The following VWA1 variants were observed in gnomAD, a reference collection of about 807,000 sequenced individuals.
VWA1 encodes the protein von Willebrand factor A domain containing 1.
Under a neutral mutation model 14.9 loss-of-function variants are expected in VWA1, and 12 were observed. The observed-to-expected ratio is 0.80, with a 90% confidence interval of 0.52 to 1.30. The LOEUF (loss-of-function observed/expected upper bound fraction) is 1.30, where lower values mean the gene tolerates loss of function less well. VWA1 is among the 50% of genes most tolerant of loss of function. The pLI, the probability that VWA1 is intolerant of heterozygous loss-of-function variation, is 0.00. For missense variants in VWA1, 800 were observed against 649.1 expected, an observed-to-expected ratio of 1.23 and a Z score of -2.53; for synonymous variants, 368 against 310.7, an observed-to-expected ratio of 1.18 and a Z score of -1.94.
At position 1,439,580 on chromosome 1, in the gene VWA1, G is replaced by C; in HGVS notation, c.1131G>C (p.Gln377His). 2 of 1,301,678 alleles carry C rather than the reference G, an allele frequency of 1.5e-6. No homozygotes were observed. Among genetic ancestry groups the C allele is most frequent in the Non-Finnish European group, 1.9e-6 (2 of 1,026,890 alleles). The allele number at this position is 1,301,678 out of a possible 1,614,324, so 80.6% of individuals were successfully genotyped here. A position where few individuals can be genotyped will look rare whatever the true frequency, so the allele number is the denominator to read the frequency against. Residue 377 changes from glutamine (Q) to histidine (H), a missense_variant, in exon 3 of 3, where the codon CAG (glutamine) becomes CAC (histidine). By Grantham distance (24) the Gln-to-His change is conservative (BLOSUM62 0). Coordinates refer to ENST00000476993, the MANE Select transcript of VWA1 (RefSeq NM_022834.5). ...GGCCGCTGCGGGGCGGGGAGGCGCAGCGGGTGGAGGTGCCCGCGGGCCGCA... is the reference window on the plus strand; with the variant it reads ...GGCCGCTGCGGGGCGGGGAGGCGCACCGGGTGGAGGTGCCCGCGGGCCGCA... ...QFGPLRGGEA[Q>H]RVEVPAGRNC...
chr1:1,435,780 T>G lies in VWA1; in HGVS notation c.32T>G (p.Leu11Arg). The change falls in exon 1 of 3, where the codon CTG (leucine) becomes CGG (arginine). Residue 11 changes from leucine to arginine, a missense_variant. Transcript: ENST00000476993. MLPWTALGLA[L>R]SLRLALARSG... is the part of the protein sequence containing the mutation. ...CCCTGGACGGCGCTCGGCCTGGCCC[T>G]GAGCTTGCGGCTGGCGCTGGCGCGG... The G allele has an allele frequency of 9.0e-6, 11 of 1,220,340 alleles. No homozygotes were observed. Among genetic ancestry groups the G allele is most frequent in the Non-Finnish European group, 1.1e-5 (11 of 974,928 alleles). The allele number at this position is 1,220,340 out of a possible 1,614,324, so 75.6% of individuals were successfully genotyped here.
Position 1,439,100 on chromosome 1 carries a change from GCTC to G in VWA1, c.653_655del (p.Leu218del). On this transcript the variant is annotated inframe_deletion, in exon 3 of 3. Transcript: ENST00000476993. ...CCACAGACGCGATGCGGCCGCAGCA[GCTC>G]CATGCCACGGAGATCACGTCCAGCG... is the stretch of plus-strand genomic sequence containing the variant. 6.3e-7 allele frequency: 1 copy of G among 1,599,314 alleles called. No individual in the cohort carries two copies. Among genetic ancestry groups the G allele is most frequent in the Non-Finnish European group, 8.5e-7 (1 of 1,179,444 alleles).
At chr1:1,436,160 A>T (rs927124184) in intron 1 of VWA1, among the ~76,000 whole-genome samples, 5 of 152,082 alleles carry the variant, frequency 3.3e-5, no homozygotes, top group African/African-American at 1.2e-4. Context: ...GAGGGATGGT[A>T]GGGAAGTTGG....
Position 1,439,489 on chromosome 1 carries a change from G to C in VWA1, c.1040G>C (p.Ser347Thr). 4 of 1,416,604 alleles carry C rather than the reference G, an allele frequency of 2.8e-6. No individual in the cohort carries two copies. The South Asian group carries it at 5.5e-5, about 20-fold the overall frequency. The allele number at this position is 1,416,604 out of a possible 1,614,324, so 87.8% of individuals were successfully genotyped here. A position where few individuals can be genotyped will look rare whatever the true frequency, so the allele number is the denominator to read the frequency against. The change falls in exon 3 of 3, where the codon AGC (serine) becomes ACC (threonine). Residue 347 changes from serine (S) to threonine (T), a missense_variant. Ser to Thr is a moderately conservative substitution (Grantham distance 58). Transcript: ENST00000476993. ...RIVISHARPR[S>T]LRVSWAPALG... Reference sequence around the variant, plus strand: ...GTCATCTCCCACGCCCGGCCGCGCAGCCTCCGCGTGAGTTGGGCCCCAGCG... The same window carrying C: ...GTCATCTCCCACGCCCGGCCGCGCACCCTCCGCGTGAGTTGGGCCCCAGCG...
At position 1,438,797 on chromosome 1, in the gene VWA1, A is replaced by G. The variant is rs557667529; in HGVS notation, c.632-284A>G. Among the ~76,000 whole-genome samples, 14 of 152,240 alleles carry G rather than the reference A, an allele frequency of 9.2e-5. No homozygotes were observed. In the East Asian group the frequency reaches 2.5e-3, roughly 27 times the overall value. On this transcript the variant is annotated intron_variant, in intron 2 of 2. Transcript: ENST00000476993. ...CTTTGTCCTGGTCACTGATCTGGCC[A>G]CTGCACCTCTCCACAAAGGACTGGG... is the stretch of plus-strand genomic sequence containing the variant.
chr1:1,438,509 G>A (rs898187505), intron 2 of VWA1, among the ~76,000 whole-genome samples: 5 of 152,112 alleles, frequency 3.3e-5, no homozygotes, highest in Admixed American at 6.5e-5. Flanking sequence ...TATGAGCCTC[G>A]CCACAGCAGG....
At position 1,439,290 on chromosome 1, in the gene VWA1, G is replaced by T; in HGVS notation, c.841G>T (p.Val281Leu). ...CCTCGACCCGGACACGGACTACGACGTGGCGCTAGTGCCTGAGTCCAACGT... is the reference window on the plus strand; with the variant it reads ...CCTCGACCCGGACACGGACTACGACTTGGCGCTAGTGCCTGAGTCCAACGT... ...AGLDPDTDYD[V>L]ALVPESNVRL... is the part of the protein sequence containing the mutation. The change falls in exon 3 of 3, where the codon GTG (valine) becomes TTG (leucine). Residue 281 changes from valine (V) to leucine (L), a missense_variant. By Grantham distance (32) the Val-to-Leu change is conservative (BLOSUM62 1). Coordinates refer to ENST00000476993, the MANE Select transcript of VWA1 (RefSeq NM_022834.5). 1 of 1,600,184 alleles carries T rather than the reference G, an allele frequency of 6.2e-7. No homozygotes were observed. Among genetic ancestry groups the T allele is most frequent in the Non-Finnish European group, 8.5e-7 (1 of 1,176,654 alleles).
At chr1:1,436,000 C>T (rs1263671074) in intron 1 of VWA1, among the ~76,000 whole-genome samples, 179 bp downstream of exon 1, 1 of 152,080 alleles carries the variant, frequency 6.6e-6, no homozygotes, top group Non-Finnish European at 1.5e-5. Flanking sequence ...GGCCCAGGTG[C>T]TCCAGGCGAC....
At position 1,441,940 on chromosome 1, in the gene VWA1, C is replaced by T. The variant is rs1638678984; in HGVS notation, c.*2153C>T. On this transcript the variant is annotated 3_prime_UTR_variant, in exon 3 of 3. Coordinates refer to ENST00000476993, the MANE Select transcript of VWA1 (RefSeq NM_022834.5). The stretch of plus-strand genomic sequence containing the variant: ...GTCTGGCAGAGGCTCTGCCTCCCCT[C>T]TGCCCATCTCTGCACACCAAGGCTG... 6.6e-6 allele frequency: 1 copy of T among 152,370 alleles called. No individual in the cohort carries two copies. Among genetic ancestry groups the T allele is most frequent in the Non-Finnish European group, 1.5e-5 (1 of 68,146 alleles). 9.4% of individuals were successfully genotyped at this position (152,370 alleles called of 1,614,324 possible). A position where few individuals can be genotyped will look rare whatever the true frequency, so the allele number is the denominator to read the frequency against.
chr1:1,436,064 A>G (rs994330974), intron 1 of VWA1, among the ~76,000 whole-genome samples: 4 of 151,884 alleles, frequency 2.6e-5, no homozygotes, highest in Non-Finnish European at 5.9e-5. Flanking sequence ...TCTCTGCGGG[A>G]TCGCGGGCCT....
At chr1:1,438,981 G>A in intron 2 of VWA1, 100 bp from the exon 3 acceptor site, 1 of 1,449,686 alleles carries the variant, frequency 6.9e-7, no homozygotes, top group Non-Finnish European at 9.0e-7. Flanking sequence ...CTTTCCTAGT[G>A]GGGCCTCCAA....
chr1:1,436,116 C>T (rs1414351577), intron 1 of VWA1, among the ~76,000 whole-genome samples: 1 of 152,206 alleles, frequency 6.6e-6, no homozygotes, highest in African/African-American at 2.4e-5. Context: ...GCACCCCTGC[C>T]TCAGTTTCCC....
chr1:1,435,837 G>T lies in VWA1; in HGVS notation c.73+16G>T. 8.8e-7 allele frequency: 1 copy of T among 1,136,292 alleles called. No homozygotes were observed. The highest frequency in any genetic ancestry group is 1.1e-6 in the Non-Finnish European group (1 of 933,556). The allele number at this position is 1,136,292 out of a possible 1,614,324, so 70.4% of individuals were successfully genotyped here. On this transcript the variant is annotated intron_variant, in intron 1 of 2. Coordinates refer to ENST00000476993, the MANE Select transcript of VWA1 (RefSeq NM_022834.5). ...GCGGAGCGCGGTGAGTGCGGCGGGC[G>T]GCCGGGCCGGGGCTGGGGCTTCTGG...
chr1:1,437,504 G>T lies in VWA1; in HGVS notation c.631+20G>T, dbSNP rs1320642634. On this transcript the variant is annotated intron_variant, in intron 2 of 2. Transcript: ENST00000476993. ...TTCTCGGTATGCGGGAGGAGGCAGG[G>T]CCCAGGGAGCCCTAGCTGGGAGCCG... 1 of 1,580,998 alleles carries T rather than the reference G, an allele frequency of 6.3e-7. No homozygotes were observed. Among genetic ancestry groups the T allele is most frequent in the South Asian group, 1.1e-5 (1 of 88,018 alleles).
At chr1:1,438,881 C>T (rs1242362052) in intron 2 of VWA1, among the ~76,000 whole-genome samples, 200 bp from the exon 3 acceptor site, 2 of 152,238 alleles carry the variant, frequency 1.3e-5, no homozygotes, top group African/African-American at 2.4e-5. Context: ...TGCACCCTTT[C>T]CTCCGTCCTC....
At chr1:1,436,760 C>T (rs1638552883) in intron 1 of VWA1, 167 bp from the exon 2 acceptor site, 1 of 674,390 alleles carries the variant, frequency 1.5e-6, no homozygotes, top group Admixed American at 3.1e-5. Context: ...GTGAAACCCC[C>T]AAAAGTACAG....
At position 1,439,322 on chromosome 1, in the gene VWA1, C is replaced by T. The variant is rs758548294; in HGVS notation, c.873C>T (p.Leu291=). 8 of 1,585,680 alleles carry T rather than the reference C, an allele frequency of 5.0e-6. No homozygotes were observed. In the South Asian group the frequency reaches 5.7e-5, roughly 11 times the overall value. The part of the protein sequence containing the change: ...VALVPESNVR[L]LRPQILRVRT... ...TAGTGCCTGAGTCCAACGTGCGCCT[C>T]CTGAGGCCCCAGATCCTGCGGGTGC... is the stretch of plus-strand genomic sequence containing the variant. The change falls in exon 3 of 3, where the codon CTC becomes CTT. Residue 291 remains leucine (L), a synonymous_variant. Transcript: ENST00000476993.
chr1:1,438,940 C>A, intron 2 of VWA1, 141 bp from the exon 3 acceptor site: 1 of 1,344,062 alleles, frequency 7.4e-7, no homozygotes, highest in Non-Finnish European at 9.8e-7. Context: ...CGGGGCATGG[C>A]TCCAGCAGCT....
rs1557772449 is a variant in VWA1, at chr1:1,442,819, C to T, written c.*3032C>T. 2 of 152,244 alleles carry T rather than the reference C, an allele frequency of 1.3e-5. No homozygotes were observed. Among genetic ancestry groups the T allele is most frequent in the South Asian group, 4.1e-4 (2 of 4,830 alleles). The allele number at this position is 152,244 out of a possible 1,614,324, so 9.4% of individuals were successfully genotyped here. On this transcript the variant is annotated 3_prime_UTR_variant, in exon 3 of 3. Coordinates refer to ENST00000476993, the MANE Select transcript of VWA1 (RefSeq NM_022834.5). ...CGTGGGCCACGCTGCTGGGAGCCAC[C>T]TAGGGAAGCAGGTCGCCTGTTTCTA...
Sources: allele counts gnomAD v4.1 joint callset (sites outside exome capture counted in the v4.1 genomes callset), GRCh38; gene constraint gnomAD v4.1.1; transcripts MANE v1.5; gene names NCBI Gene and HGNC (gene_info 2026-07-23, HGNC 2026-07-21).